EPHA7: variants seen among roughly 807,000 people sequenced by gnomAD.
The protein encoded by EPHA7 is ephrin type-A receptor 7.
A neutral mutation model predicts 112.6 loss-of-function variants in EPHA7; 25 were observed. The observed-to-expected ratio is 0.22, with a 90% CI of 0.16 to 0.31. The LOEUF (loss-of-function observed/expected upper bound fraction) is 0.31, where lower values mean the gene tolerates loss of function less well. Among genes scored for constraint, EPHA7 ranks in the 10% least tolerant of loss-of-function variants. The pLI, the probability that EPHA7 is intolerant of heterozygous loss-of-function variation, is 1.00. For synonymous variants in EPHA7, 437 were observed against 406.5 expected, an observed-to-expected ratio of 1.07 and a Z score of -0.90; for missense variants, 962 against 1,212.6, an observed-to-expected ratio of 0.79 and a Z score of 3.07.
At chr6:93,313,606 T>C (rs2127869599) in intron 5 of EPHA7, among the ~76,000 whole-genome samples, 1 of 152,202 alleles carries the variant, frequency 6.6e-6, no homozygotes, top group Middle Eastern at 3.4e-3. Flanking sequence ...AAATACATTC[T>C]ATTTTCAAAA....
intron 14 of EPHA7, among the ~76,000 whole-genome samples, chr6:93,251,451 T>C (rs74933094): frequency 0.036 from 5,440 of 151,774 alleles, 331 homozygotes; most frequent in African/African-American, 0.12. Flanking sequence ...CCTAGTTTTA[T>C]ATAAGAAAAA....
chr6:93,368,735 G>A (rs1236940231), intron 3 of EPHA7, among the ~76,000 whole-genome samples: 2 of 152,014 alleles, frequency 1.3e-5, no homozygotes, highest in South Asian at 2.1e-4. Flanking sequence ...CAAGACATGG[G>A]CTTTTCACTA....
At chr6:93,334,037 T>C (rs1820296) in intron 5 of EPHA7, among the ~76,000 whole-genome samples, 8,886 of 151,942 alleles carry the variant, frequency 0.058, 332 homozygotes, top group African/African-American at 0.11. Context: ...TACAATGCTA[T>C]GGTAACCAAA....
At chr6:93,283,925 T>C (rs405968) in intron 5 of EPHA7, among the ~76,000 whole-genome samples, 4,258 of 152,302 alleles carry the variant, frequency 0.028, 183 homozygotes, top group African/African-American at 0.097. Flanking sequence ...TTTAAAGTTT[T>C]GGAAATCACT....
chr6:93,361,267 G>A (rs1357435426), intron 3 of EPHA7, among the ~76,000 whole-genome samples: 1 of 152,022 alleles, frequency 6.6e-6, no homozygotes, highest in East Asian at 1.9e-4. Flanking sequence ...GTTGAAGCAA[G>A]CCAGTTTTCA....
rs1779297465 is a variant in EPHA7, at chr6:93,417,452, T to C, written c.97+1793A>G. Among the ~76,000 whole-genome samples, 8 of 152,294 alleles carry C rather than the reference T, an allele frequency of 5.3e-5. 1 individual carries two copies. The South Asian group carries it at 1.7e-3, about 32-fold the overall frequency. On this transcript the variant is annotated intron_variant, in intron 1 of 16. Transcript: ENST00000369303. ...CCATCACCCCCGCGCCTTTTATACA[T>C]CACACTTCTGCATCTAAAGAATTCA... is the stretch of plus-strand genomic sequence containing the variant.
chr6:93,410,768 C>T lies in EPHA7; in HGVS notation c.565G>A (p.Val189Ile), dbSNP rs1395960850. ...KKGFYLAFQD[V>I]GACIALVSVK... ...GAAACCAAAGCTATGCAAGCCCCTACATCCTGAAAGGCAAGATAGAATCCC... is the reference window on the plus strand; with the variant it reads ...GAAACCAAAGCTATGCAAGCCCCTATATCCTGAAAGGCAAGATAGAATCCC... Residue 189 changes from valine (V) to isoleucine (I), a missense_variant, in exon 3 of 17, where the codon GTA (valine) becomes ATA (isoleucine). Coordinates refer to ENST00000369303, the MANE Select transcript of EPHA7 (RefSeq NM_004440.4). The surrounding 1 kb of genome is among the most constrained non-coding windows in gnomAD (Gnocchi z 4.0). The T allele has an allele frequency of 6.2e-7, 1 of 1,614,110 alleles. No homozygotes were observed. Among genetic ancestry groups the T allele is most frequent in the East Asian group, 2.2e-5 (1 of 44,864 alleles).
At position 93,349,556 on chromosome 6, in the gene EPHA7, G is replaced by A. The variant is rs76881006; in HGVS notation, c.1324+7161C>T. On this transcript the variant is annotated intron_variant, in intron 5 of 16. Transcript: ENST00000369303. ...ACAATAACACTATCTCTACAAAATG[G>A]TTCCTGTTTTTTGCATTTATATATT... 6.0e-4 allele frequency among the ~76,000 whole-genome samples: 91 copies of A among 151,864 alleles called. No individual in the cohort carries two copies. The East Asian group carries it at 0.016, about 27-fold the overall frequency.
At chr6:93,277,847 G>A (rs139260239) in intron 5 of EPHA7, among the ~76,000 whole-genome samples, 1 of 151,908 alleles carries the variant, frequency 6.6e-6, no homozygotes, top group Non-Finnish European at 1.5e-5. Context: ...AGGTTTGAAA[G>A]TTCTGGAAAA....
At chr6:93,283,132 G>A (rs1351285295) in intron 5 of EPHA7, among the ~76,000 whole-genome samples, 3 of 152,242 alleles carry the variant, frequency 2.0e-5, no homozygotes, top group Admixed American at 6.5e-5. Flanking sequence ...TGCACCAATC[G>A]GCACTCTGTA....
chr6:93,387,730 G>T (rs1023065636), intron 3 of EPHA7, among the ~76,000 whole-genome samples: 2 of 152,032 alleles, frequency 1.3e-5, no homozygotes, highest in East Asian at 3.9e-4. Context: ...AGAGAGAATT[G>T]CAGAGTGAAG....
chr6:93,361,278 T>G (rs1776247759), intron 3 of EPHA7, among the ~76,000 whole-genome samples: 1 of 152,082 alleles, frequency 6.6e-6, no homozygotes, highest in Admixed American at 6.6e-5. Context: ...CCAGTTTTCA[T>G]TTGATCTCAA....
In EPHA7 at chr6:93,350,547, G is replaced by C. The variant is rs115118390; in HGVS notation, c.1324+6170C>G. ...TCAAATTTTAATATAATCTGAGTGA[G>C]TGTCATATAGATCATTCATCCATAC... is the stretch of plus-strand genomic sequence containing the variant. On this transcript the variant is annotated intron_variant, in intron 5 of 16. Transcript: ENST00000369303. Among the ~76,000 whole-genome samples the C allele has an allele frequency of 8.4e-3, 1,282 of 152,062 alleles. 17 individuals are homozygous for C. Among genetic ancestry groups the C allele is most frequent in the African/African-American group, 0.029 (1,189 of 41,504 alleles).
chr6:93,340,418 C>T (rs1323584320), intron 5 of EPHA7, among the ~76,000 whole-genome samples: 3 of 151,652 alleles, frequency 2.0e-5, no homozygotes, highest in East Asian at 1.9e-4. Flanking sequence ...TTAGAATACC[C>T]GATCTGAAAA....
chr6:93,416,842 C>T (rs1303983409), intron 1 of EPHA7, among the ~76,000 whole-genome samples: 1 of 151,250 alleles, frequency 6.6e-6, no homozygotes, highest in Non-Finnish European at 1.5e-5. Flanking sequence ...GCAACGACCG[C>T]GCGGGCAAAG....
chr6:93,370,221 G>A (rs1181121168), intron 3 of EPHA7, among the ~76,000 whole-genome samples: 1 of 152,120 alleles, frequency 6.6e-6, no homozygotes, highest in Non-Finnish European at 1.5e-5. Context: ...AGAATTATAA[G>A]TTATAACAAA....
chr6:93,308,824 T>C (rs1773387917), intron 5 of EPHA7, among the ~76,000 whole-genome samples: 1 of 152,150 alleles, frequency 6.6e-6, no homozygotes, highest in Non-Finnish European at 1.5e-5. Context: ...CTAATGGCTT[T>C]TAGATTAGGG....
chr6:93,313,437 T>G (rs1773641338), intron 5 of EPHA7, among the ~76,000 whole-genome samples: 1 of 152,110 alleles, frequency 6.6e-6, no homozygotes, highest in Admixed American at 6.5e-5. Flanking sequence ...CTTTCTATTT[T>G]GCATATCTGG....
chr6:93,281,738 C>A (rs1288253420), intron 5 of EPHA7, among the ~76,000 whole-genome samples: 2 of 152,066 alleles, frequency 1.3e-5, no homozygotes, highest in East Asian at 3.9e-4. Context: ...TATTATAATG[C>A]CAGTTGACAA....
Sources: gnomAD v4.1 joint callset for allele counts (sites outside exome capture counted in the v4.1 genomes callset) on GRCh38, gnomAD v4.1.1 for gene constraint, Gnocchi (gnomAD v3.1) non-coding constraint, MANE v1.5 for transcripts, NCBI Gene and HGNC (gene_info 2026-07-23, HGNC 2026-07-21) for gene names.